Variants in ZIM2 observed in about 807,000 individuals in gnomAD.
The protein encoded by ZIM2 is zinc finger imprinted 2.
A neutral mutation model predicts 38.6 loss-of-function variants in ZIM2; 14 were observed. The observed-to-expected ratio is 0.36, with a 90% CI of 0.24 to 0.57. The LOEUF is 0.57. Ranked by LOEUF, ZIM2 falls within the 20% of genes least tolerant of loss-of-function variation. The probability of loss-of-function intolerance (pLI) is 0.81; values close to 1 mark genes in which losing one functional copy is unlikely to be tolerated. For missense variants in ZIM2, 680 were observed against 695.1 expected (o/e 0.98, Z 0.24); for synonymous variants, 247 against 245.8 (o/e 1.00, Z -0.04).
rs768359364 is a variant in ZIM2, at chr19:56,814,360, T to G, written c.490+3386A>C. 6 of 1,603,278 alleles carry G rather than the reference T, an allele frequency of 3.7e-6. No individual in the cohort carries two copies. Among genetic ancestry groups the G allele is most frequent in the Non-Finnish European group, 5.1e-6 (6 of 1,171,760 alleles). On this transcript the variant is annotated intron_variant, in intron 9 of 12. Transcript: ENST00000629319. This position sits in a 1 kb window ranked among gnomAD's most constrained non-coding sequence, Gnocchi z 5.8. ...TGCTGCTGCAGCTGCTGCTGCTTCA[T>G]CTTCTTCTTCTTCTTCCAGATGAAG...
chr19:56,827,415 T>G (rs2061152152), intron 2 of ZIM2, among the ~76,000 whole-genome samples: 1 of 151,376 alleles, frequency 6.6e-6, no homozygotes, highest in African/African-American at 2.4e-5. Flanking sequence ...CAGAAAAACC[T>G]TAAAAAAAAA....
chr19:56,830,861 A>AG (rs1450249446), intron 2 of ZIM2, among the ~76,000 whole-genome samples: 1 of 152,124 alleles, frequency 6.6e-6, no homozygotes, highest in East Asian at 1.9e-4. Context: ...TGGGAGGTGG[A>AG]GGGGGCAGTG....
In ZIM2 at chr19:56,814,524, A is replaced by G. The variant is rs551557951; in HGVS notation, c.490+3222T>C. Reference sequence around the variant, plus strand: ...AGGAGGACCCGTACTCATAGGGCTCATTCTTATGAACAGTTACGTGATCTG... The same window carrying G: ...AGGAGGACCCGTACTCATAGGGCTCGTTCTTATGAACAGTTACGTGATCTG... On this transcript the variant is annotated intron_variant, in intron 9 of 12. Coordinates refer to ENST00000629319, the MANE Select transcript of ZIM2 (RefSeq NM_001387356.1). The surrounding 1 kb of genome is among the most constrained non-coding windows in gnomAD (Gnocchi z 5.8). The G allele has an allele frequency of 1.2e-6, 2 of 1,614,022 alleles. No individual in the cohort carries two copies. Among genetic ancestry groups the G allele is most frequent in the African/African-American group, 1.3e-5 (1 of 75,050 alleles).
At chr19:56,816,015 G>A (rs563761920) in intron 9 of ZIM2, 3 of 1,590,740 alleles carry the variant, frequency 1.9e-6, no homozygotes, top group East Asian at 2.2e-5. Context: ...TAGCATCGAA[G>A]CTCTGAATGG....
chr19:56,810,857 T>C, intron 9 of ZIM2: 1 of 967,314 alleles, frequency 1.0e-6, no homozygotes, highest in Non-Finnish European at 1.2e-6. Flanking sequence ...TTTTCTAATT[T>C]TTCCTCTGGG....
intron 1 of ZIM2, among the ~76,000 whole-genome samples, chr19:56,838,072 C>T (rs1229584178): frequency 6.6e-6 from 1 of 152,242 alleles, no homozygotes; most frequent in Non-Finnish European, 1.5e-5. Flanking sequence ...CACAGTACAC[C>T]GTGGCTGCCA....
At position 56,782,003 on chromosome 19, in the gene ZIM2, T is replaced by C; in HGVS notation, c.689A>G (p.Asn230Ser). 2.5e-6 allele frequency: 4 copies of C among 1,613,838 alleles called. No individual in the cohort carries two copies. The highest frequency in any genetic ancestry group is 3.4e-6 in the Non-Finnish European group (4 of 1,179,856). The change falls in exon 11 of 13, where the codon AAC becomes AGC. Residue 230 changes from asparagine to serine, a missense_variant. Physicochemically the swap from Asn to Ser is conservative, Grantham distance 46 (BLOSUM62 1). Coordinates refer to ENST00000629319, the MANE Select transcript of ZIM2 (RefSeq NM_001387356.1). ...CTCCAGCATCACCTCCCTGTAGAGG[T>C]TTCTCTGAGCAGCACTAAGGGAACT... ...ELSSLSAAQRNLYREVMLENY... is the reference protein window; with the variant it reads ...ELSSLSAAQRSLYREVMLENY...
At chr19:56,815,861 A>T in intron 9 of ZIM2, 1 of 1,613,106 alleles carries the variant, frequency 6.2e-7, no homozygotes, top group Non-Finnish European at 8.5e-7. Context: ...TAAATGGAGG[A>T]TTCTCCCTTC....
At chr19:56,798,021 GT>G (rs1400322442) in intron 9 of ZIM2, 1 of 152,094 alleles carries the variant, frequency 6.6e-6, no homozygotes, top group African/African-American at 2.4e-5. Context: ...TAAGTTGCTG[GT>G]GCTGAAATAA....
chr19:56,823,870 G>A (rs1444311656), intron 4 of ZIM2, among the ~76,000 whole-genome samples, 191 bp from the exon 5 acceptor site: 1 of 152,168 alleles, frequency 6.6e-6, no homozygotes, highest in Non-Finnish European at 1.5e-5. Flanking sequence ...GGTGGGGGGA[G>A]CATGGTGGCT....
At chr19:56,782,647 T>G (rs1459375859) in intron 10 of ZIM2, among the ~76,000 whole-genome samples, 2 of 152,188 alleles carry the variant, frequency 1.3e-5, no homozygotes, top group Non-Finnish European at 2.9e-5. Flanking sequence ...ATATAAAACA[T>G]GGATCCACTG....
chr19:56,831,758 C>T (rs2146536579), intron 2 of ZIM2, among the ~76,000 whole-genome samples: 1 of 152,318 alleles, frequency 6.6e-6, no homozygotes, highest in East Asian at 1.9e-4. Context: ...GCAGGTATTG[C>T]AAAACATTCA....
intron 9 of ZIM2, chr19:56,810,035 A>G: frequency 2.1e-6 from 1 of 467,188 alleles, no homozygotes; most frequent in Non-Finnish European, 2.8e-6. Context: ...ACAAAATAAC[A>G]TATTTAAAGC....
chr19:56,815,860 G>T, intron 9 of ZIM2: 1 of 1,613,542 alleles, frequency 6.2e-7, no homozygotes, highest in Non-Finnish European at 8.5e-7. Context: ...ATAAATGGAG[G>T]ATTCTCCCTT....
intron 10 of ZIM2, among the ~76,000 whole-genome samples, chr19:56,788,885 T>C (rs1333060850): frequency 6.6e-6 from 1 of 151,914 alleles, no homozygotes; most frequent in African/African-American, 2.4e-5. Context: ...TTTCATGCTT[T>C]ATTTCATTAA....
intron 9 of ZIM2, among the ~76,000 whole-genome samples, chr19:56,792,637 A>G (rs1173523789): frequency 1.3e-5 from 2 of 152,080 alleles, no homozygotes; most frequent in African/African-American, 4.8e-5. Context: ...GACGGGAACA[A>G]TAAACACGGA....
chr19:56,823,736 C>A, intron 4 of ZIM2, 57 bp from the exon 5 acceptor site: 1 of 1,582,236 alleles, frequency 6.3e-7, no homozygotes, highest in Non-Finnish European at 8.7e-7. Context: ...CACAATAGTT[C>A]CCCCCAATCC....
At chr19:56,806,167 A>G (rs1256823510) in intron 9 of ZIM2, among the ~76,000 whole-genome samples, 1 of 152,192 alleles carries the variant, frequency 6.6e-6, no homozygotes, top group Non-Finnish European at 1.5e-5. Context: ...TATTCTTGCA[A>G]CTTTCCCATG....
chr19:56,796,133 G>T (rs941467422), intron 9 of ZIM2, among the ~76,000 whole-genome samples: 1 of 151,994 alleles, frequency 6.6e-6, no homozygotes, highest in Non-Finnish European at 1.5e-5. Context: ...TGTGTGTAAG[G>T]CTTCCCTCAG....
Sources: allele counts gnomAD v4.1 joint callset (sites outside exome capture counted in the v4.1 genomes callset), GRCh38; gene constraint gnomAD v4.1.1; non-coding constraint Gnocchi (gnomAD v3.1); transcripts MANE v1.5; gene names NCBI Gene and HGNC (gene_info 2026-07-23, HGNC 2026-07-21).